The following PPP2R2B variants were observed in gnomAD, a reference collection of about 807,000 sequenced individuals.
PPP2R2B encodes protein phosphatase 2 regulatory subunit Bbeta.
In PPP2R2B, 5 loss-of-function variants were observed where a neutral mutation model predicts 46.0. The observed-to-expected ratio is 0.11, with a 90% confidence interval of 0.06 to 0.23. The LOEUF (loss-of-function observed/expected upper bound fraction) is 0.23, where lower values mean the gene tolerates loss of function less well. PPP2R2B is among the 10% of genes least tolerant of loss of function. The pLI, the probability that PPP2R2B is intolerant of heterozygous loss-of-function variation, is 1.00. For synonymous variants in PPP2R2B, 215 were observed against 206.7 expected (o/e 1.04, Z -0.34); for missense variants, 367 against 575.0 (o/e 0.64, Z 3.70).
intron 2 of PPP2R2B, among the ~76,000 whole-genome samples, chr5:147,066,970 A>G (rs796826808): frequency 3.9e-5 from 6 of 152,288 alleles, no homozygotes; most frequent in African/African-American, 1.4e-4. Flanking sequence ...TGTGCATTTA[A>G]TCACCACCTA....
intron 2 of PPP2R2B, among the ~76,000 whole-genome samples, chr5:147,064,135 T>C (rs1336175239): frequency 6.6e-6 from 1 of 152,222 alleles, no homozygotes; most frequent in Non-Finnish European, 1.5e-5. Flanking sequence ...TAATTCAAAC[T>C]TCATGCCTTT....
intron 2 of PPP2R2B, among the ~76,000 whole-genome samples, chr5:146,793,248 G>A (rs1403848702): frequency 1.3e-5 from 2 of 152,194 alleles, no homozygotes; most frequent in African/African-American, 4.8e-5. Flanking sequence ...GGTGAAAAAG[G>A]TTTGTTCAGG....
chr5:146,761,688 G>T (rs376700738), intron 2 of PPP2R2B, among the ~76,000 whole-genome samples: 15 of 151,802 alleles, frequency 9.9e-5, no homozygotes, highest in South Asian at 2.1e-4. Flanking sequence ...TAGTCAGATT[G>T]CCTGAGCTGA....
chr5:146,859,618 A>G (rs1760868008), intron 2 of PPP2R2B, among the ~76,000 whole-genome samples: 1 of 152,198 alleles, frequency 6.6e-6, no homozygotes, highest in Non-Finnish European at 1.5e-5. Flanking sequence ...AAAAGTTTTA[A>G]AAAAAGAGGG....
intron 1 of PPP2R2B, among the ~76,000 whole-genome samples, chr5:147,022,283 C>T (rs1039653467): frequency 8.6e-5 from 13 of 151,646 alleles, no homozygotes; most frequent in African/African-American, 2.7e-4. Context: ...TCTGGCCAGG[C>T]GCGGTGACAC....
At chr5:146,894,121 A>G (rs1257828467) in intron 1 of PPP2R2B, among the ~76,000 whole-genome samples, 1 of 152,202 alleles carries the variant, frequency 6.6e-6, no homozygotes, top group African/African-American at 2.4e-5. Flanking sequence ...CTGGATCAGT[A>G]TCATCTCTTG....
rs1340489732 is a variant in PPP2R2B at position 146,915,038 on chromosome 5, C to G, written c.79+140627G>C. ...TTCTCTTTTCTTTTATTCTCCATAT[C>G]AAATTTAACAGAAGATTCAAGGTTT... On this transcript the variant is annotated intron_variant, in intron 1 of 8. Transcript: ENST00000336640. 3.3e-5 allele frequency among the ~76,000 whole-genome samples: 5 copies of G among 152,090 alleles called. No individual in the cohort carries two copies. The East Asian group carries it at 9.6e-4, about 29-fold the overall frequency.
intron 2 of PPP2R2B, among the ~76,000 whole-genome samples, chr5:147,074,048 A>AG (rs1467475424): frequency 2.6e-5 from 4 of 152,048 alleles, no homozygotes; most frequent in Non-Finnish European, 5.9e-5. Context: ...AAAAAAAAAA[A>AG]AAGAATTATT....
chr5:146,743,524 C>T (rs1357308555), intron 2 of PPP2R2B, among the ~76,000 whole-genome samples: 3 of 152,236 alleles, frequency 2.0e-5, no homozygotes, highest in Admixed American at 2.0e-4. Flanking sequence ...CTTAGTGACT[C>T]TGATGGCAAT....
At chr5:146,893,749 A>G (rs6863630) in intron 1 of PPP2R2B, among the ~76,000 whole-genome samples, 39,127 of 152,014 alleles carry the variant, frequency 0.26, 5,186 homozygotes, top group East Asian at 0.37. Flanking sequence ...GCATTAGGAC[A>G]AATACCTAAT....
At chr5:146,879,010 A>T, upstream of PPP2R2B, 1 of 895,708 alleles carries the variant, frequency 1.1e-6, no homozygotes, top group Non-Finnish European at 1.4e-6. Flanking sequence ...GGCCACGTCT[A>T]CGCTAGCACC....
intron 2 of PPP2R2B, among the ~76,000 whole-genome samples, chr5:146,719,803 T>TTTTTTTTTTTTTTTTTTTTTTTGAGACGG (rs1418579202): frequency 6.6e-6 from 1 of 152,022 alleles, no homozygotes; most frequent in African/African-American, 2.4e-5. Flanking sequence ...AATGAGTTTC[T>TTTTTTTTTTTTTTTTTTTTTTTGAGACGG]ATCATCTAAA....
chr5:146,990,761 C>T (rs1753662787), intron 1 of PPP2R2B, among the ~76,000 whole-genome samples: 1 of 151,990 alleles, frequency 6.6e-6, no homozygotes, highest in Non-Finnish European at 1.5e-5. Flanking sequence ...AGGAAACAAT[C>T]AACCGAGTGA....
intron 2 of PPP2R2B, among the ~76,000 whole-genome samples, chr5:147,062,656 T>G (rs1722176663): frequency 6.6e-6 from 1 of 152,074 alleles, no homozygotes; most frequent in African/African-American, 2.4e-5. Context: ...TTGCCTGGTC[T>G]GAACATTATC....
intron 1 of PPP2R2B, among the ~76,000 whole-genome samples, chr5:146,983,772 T>G (rs1490472634): frequency 6.6e-6 from 1 of 152,104 alleles, no homozygotes; most frequent in Non-Finnish European, 1.5e-5. Context: ...ACCCACATTT[T>G]TGTATATTGC....
intron 2 of PPP2R2B, among the ~76,000 whole-genome samples, chr5:146,808,674 T>C (rs993848547): frequency 2.0e-5 from 3 of 150,802 alleles, no homozygotes; most frequent in African/African-American, 4.9e-5. Flanking sequence ...CATGGTTCAC[T>C]GTGACAACTC....
At chr5:147,006,490 C>T (rs1754446994) in intron 1 of PPP2R2B, among the ~76,000 whole-genome samples, 1 of 152,140 alleles carries the variant, frequency 6.6e-6, no homozygotes, top group Admixed American at 6.5e-5. Context: ...CCCCTCAAAG[C>T]TCAAGTCCAT....
At chr5:147,066,613 C>T (rs1252467948) in intron 2 of PPP2R2B, among the ~76,000 whole-genome samples, 1 of 152,098 alleles carries the variant, frequency 6.6e-6, no homozygotes, top group Non-Finnish European at 1.5e-5. Flanking sequence ...TCAGCGCTGA[C>T]CATAATTTTT....
At chr5:146,677,913 T>A (rs572114380) in intron 5 of PPP2R2B, among the ~76,000 whole-genome samples, 1 of 152,328 alleles carries the variant, frequency 6.6e-6, no homozygotes, top group South Asian at 2.1e-4. Context: ...CCATCATGAC[T>A]ATATGTATGG....
Sources: allele counts gnomAD v4.1 joint callset (sites outside exome capture counted in the v4.1 genomes callset), GRCh38; gene constraint gnomAD v4.1.1; transcripts MANE v1.5; gene names NCBI Gene and HGNC (gene_info 2026-07-23, HGNC 2026-07-21).